The following CYB5A variants were observed in gnomAD, a reference collection of about 807,000 sequenced individuals.
CYB5A encodes cytochrome b5.
In CYB5A, 10 loss-of-function variants were observed where a neutral mutation model predicts 16.2. The ratio of observed to expected loss-of-function variants is 0.62; its 90% CI spans 0.38 to 1.04. CYB5A has a LOEUF of 1.04. CYB5A is among the 50% of genes least tolerant of loss of function. The pLI, the probability that CYB5A is intolerant of heterozygous loss-of-function variation, is 0.01. For synonymous variants in CYB5A, 62 were observed against 57.0 expected, an observed-to-expected ratio of 1.09 and a Z score of -0.40; for missense variants, 161 against 165.9, an observed-to-expected ratio of 0.97 and a Z score of 0.16.
rs1299078967 is a variant in CYB5A at position 74,253,526 on chromosome 18, GCTT to G, written c.*55_*57del. The G allele has an allele frequency of 9.3e-7, 1 of 1,079,502 alleles. No homozygotes were observed. The highest frequency in any genetic ancestry group is 2.4e-5 in the East Asian group (1 of 42,050). 66.9% of individuals were successfully genotyped at this position (1,079,502 alleles called of 1,614,324 possible). A position where few individuals can be genotyped will look rare whatever the true frequency, so the allele number is the denominator to read the frequency against. On this transcript the variant is annotated 3_prime_UTR_variant, in exon 5 of 5. Coordinates refer to ENST00000340533, the MANE Select transcript of CYB5A (RefSeq NM_148923.4). ...CTGTCAGTTGAAGTAGTTAGCAATG[GCTT>G]CTTTTCTCCCGTGTCCAAAGCAGGC...
At chr18:74,278,253 C>A (rs1297791121) in intron 1 of CYB5A, among the ~76,000 whole-genome samples, 1 of 152,212 alleles carries the variant, frequency 6.6e-6, no homozygotes, top group Non-Finnish European at 1.5e-5. Flanking sequence ...GAGAGGAGAG[C>A]CACTTCGCTG....
chr18:74,264,492 C>CAT (rs10659145), intron 1 of CYB5A, among the ~76,000 whole-genome samples: 143,271 of 152,090 alleles, frequency 0.94, 67,941 homozygotes, highest in East Asian at 1. Flanking sequence ...ACAAGAGGCA[C>CAT]GTGTGTCACT....
At chr18:74,273,156 T>A (rs1982736518) in intron 1 of CYB5A, among the ~76,000 whole-genome samples, 1 of 152,010 alleles carries the variant, frequency 6.6e-6, no homozygotes, top group Non-Finnish European at 1.5e-5. Context: ...AGCTGAATGG[T>A]ATCAATATCT....
intron 2 of CYB5A, chr18:74,261,635 C>T (rs1019841718): frequency 2.0e-5 from 3 of 152,682 alleles, no homozygotes; most frequent in African/African-American, 7.2e-5. Flanking sequence ...CCTCAAAGTA[C>T]ATATCTCCTA....
chr18:74,277,813 C>T (rs977951354), intron 1 of CYB5A, among the ~76,000 whole-genome samples: 3 of 152,258 alleles, frequency 2.0e-5, no homozygotes, highest in African/African-American at 7.2e-5. Flanking sequence ...CAGAACACAA[C>T]GGTGTCATGG....
chr18:74,275,905 G>A (rs371706652), intron 1 of CYB5A, among the ~76,000 whole-genome samples: 12 of 152,302 alleles, frequency 7.9e-5, no homozygotes, highest in African/African-American at 2.9e-4. Context: ...ACAGTAGGGT[G>A]GCCAGGGAGG....
intron 1 of CYB5A, among the ~76,000 whole-genome samples, chr18:74,282,379 A>C (rs921971149): frequency 6.6e-6 from 1 of 151,988 alleles, no homozygotes; most frequent in African/African-American, 2.4e-5. Flanking sequence ...GTAAGAAGGG[A>C]TCACACTAGT....
intron 1 of CYB5A, among the ~76,000 whole-genome samples, chr18:74,278,063 T>C (rs1790861): frequency 0.29 from 43,719 of 152,176 alleles, 6,479 homozygotes; most frequent in South Asian, 0.35. Context: ...TCACTGTGTA[T>C]AGGGAAGTAT....
chr18:74,286,424 C>T (rs1983321826), intron 1 of CYB5A, among the ~76,000 whole-genome samples: 1 of 152,186 alleles, frequency 6.6e-6, no homozygotes, highest in Admixed American at 6.5e-5. Flanking sequence ...TATGTTCCTA[C>T]TAAATGGACC....
rs1568215191 is a variant in CYB5A, at chr18:74,260,924, G to GT, written c.278dup (p.Asn93LysfsTer12). 6.2e-7 allele frequency: 1 copy of GT among 1,612,620 alleles called. No individual in the cohort carries two copies. Among genetic ancestry groups the GT allele is most frequent in the Admixed American group, 1.7e-5 (1 of 60,016 alleles). On this transcript the variant is annotated frameshift_variant, in exon 3 of 5. Coordinates refer to ENST00000340533, the MANE Select transcript of CYB5A (RefSeq NM_148923.4). LOFTEE classifies it high-confidence loss of function. ...AGATGGTCACACTTACCGGAGGCTTGTTTAACTTTGGTCTGTCATCCTGCA... is the reference window on the plus strand; with the variant it reads ...AGATGGTCACACTTACCGGAGGCTTGTTTTAACTTTGGTCTGTCATCCTGCA...
At chr18:74,258,444 T>C (rs1982072371) in intron 3 of CYB5A, 1 of 152,250 alleles carries the variant, frequency 6.6e-6, no homozygotes, top group Non-Finnish European at 1.5e-5. Flanking sequence ...TTTGGTAACT[T>C]AACACTATGC....
At chr18:74,258,185 G>T (rs1645318372) in intron 3 of CYB5A, 1 of 152,082 alleles carries the variant, frequency 6.6e-6, no homozygotes, top group South Asian at 2.1e-4. Context: ...GCCTGAGATG[G>T]GTGCTAGATG....
intron 1 of CYB5A, among the ~76,000 whole-genome samples, chr18:74,282,833 C>A (rs1983170740): frequency 6.6e-6 from 1 of 152,042 alleles, no homozygotes; most frequent in Non-Finnish European, 1.5e-5. Context: ...CAAACCAGGG[C>A]AAAGAGATAC....
intron 1 of CYB5A, among the ~76,000 whole-genome samples, chr18:74,286,109 T>C (rs928513793): frequency 1.3e-5 from 2 of 152,206 alleles, no homozygotes; most frequent in Non-Finnish European, 2.9e-5. Flanking sequence ...TTTCCATGGA[T>C]GTAAAGCACA....
intron 1 of CYB5A, among the ~76,000 whole-genome samples, chr18:74,285,119 A>G (rs1040477898): frequency 6.6e-6 from 1 of 152,214 alleles, no homozygotes; most frequent in Non-Finnish European, 1.5e-5. Flanking sequence ...AGGGCAATGA[A>G]TTTCAACACC....
intron 4 of CYB5A, 137 bp downstream of exon 4, chr18:74,255,604 T>C: frequency 1.3e-6 from 1 of 754,222 alleles, no homozygotes; most frequent in South Asian, 1.5e-5. Context: ...CTCTGAACAG[T>C]CTGGCCTTCA....
At chr18:74,279,482 A>G (rs1338302303) in intron 1 of CYB5A, among the ~76,000 whole-genome samples, 2 of 152,256 alleles carry the variant, frequency 1.3e-5, no homozygotes, top group Non-Finnish European at 2.9e-5. Context: ...GTGAGTTGAG[A>G]TCGTGCCACT....
At chr18:74,255,112 A>G (rs1599243570) in intron 4 of CYB5A, among the ~76,000 whole-genome samples, 1 of 152,356 alleles carries the variant, frequency 6.6e-6, no homozygotes, top group Middle Eastern at 3.4e-3. Flanking sequence ...GGCAGGGAAT[A>G]TTCCAGAACA....
chr18:74,291,384 G>C (rs1409744045), intron 1 of CYB5A, among the ~76,000 whole-genome samples: 1 of 150,730 alleles, frequency 6.6e-6, no homozygotes, highest in African/African-American at 2.4e-5. Flanking sequence ...TTCGGGGAGC[G>C]CTCCCAGGTG....
Sources: allele counts gnomAD v4.1 joint callset (sites outside exome capture counted in the v4.1 genomes callset), GRCh38; gene constraint gnomAD v4.1.1; transcripts MANE v1.5; gene names NCBI Gene and HGNC (gene_info 2026-07-23, HGNC 2026-07-21).